PTPRD: variants seen among roughly 807,000 people sequenced by gnomAD.
PTPRD encodes receptor-type tyrosine-protein phosphatase delta.
In PTPRD, 34 loss-of-function variants were observed where a neutral mutation model predicts 214.5. The observed-to-expected ratio is 0.16, with a 90% CI of 0.12 to 0.21. The LOEUF is 0.21. Ranked by LOEUF, PTPRD falls within the 10% of genes least tolerant of loss-of-function variation. The pLI, the probability that PTPRD is intolerant of heterozygous loss-of-function variation, is 1.00. For missense variants in PTPRD, 2,545 were observed against 2,398.7 expected (o/e 1.06, Z -1.27); for synonymous variants, 1,128 against 845.7 (o/e 1.33, Z -5.79).
chr9:9,850,456 A>C (rs2060337285), intron 5 of PTPRD, among the ~76,000 whole-genome samples: 1 of 152,172 alleles, frequency 6.6e-6, no homozygotes, highest in Admixed American at 6.6e-5. Context: ...AGCTTAAGCA[A>C]CATTTTCTGG....
At chr9:8,905,932 T>C (rs2098704849) in intron 11 of PTPRD, among the ~76,000 whole-genome samples, 1 of 152,138 alleles carries the variant, frequency 6.6e-6, no homozygotes, top group Non-Finnish European at 1.5e-5. Context: ...AAAATAAATA[T>C]CACCATAGAC....
At chr9:9,997,783 C>G (rs1255801712) in intron 4 of PTPRD, among the ~76,000 whole-genome samples, 1 of 152,012 alleles carries the variant, frequency 6.6e-6, no homozygotes, top group East Asian at 1.9e-4. Flanking sequence ...AGTAGGTGCA[C>G]CCAACATGGC....
chr9:10,394,337 G>C (rs942155), intron 2 of PTPRD, among the ~76,000 whole-genome samples: 3,176 of 150,710 alleles, frequency 0.021, 108 homozygotes, highest in African/African-American at 0.073. Context: ...TAGTAACTTA[G>C]ATATAATTTA....
chr9:8,985,145 T>A (rs540874048), intron 11 of PTPRD, among the ~76,000 whole-genome samples: 1 of 152,216 alleles, frequency 6.6e-6, no homozygotes, highest in South Asian at 2.1e-4. Flanking sequence ...ATATTTACTT[T>A]AAAAATTTAG....
At position 8,500,762 on chromosome 9, in the gene PTPRD, T is replaced by C. The variant is rs752451819; in HGVS notation, c.2120A>G (p.Asn707Ser). 7 of 1,613,840 alleles carry C rather than the reference T, an allele frequency of 4.3e-6. No individual in the cohort carries two copies. In the Admixed American group the frequency reaches 5.0e-5, roughly 12 times the overall value. ...PESLSVLIRT[N>S]EDVPSGPPRK... ...TAGCGGAGGCAACATACCATCTTCATTGGTTCGAATCAACACGGACAAGCT... is the reference window on the plus strand; with the variant it reads ...TAGCGGAGGCAACATACCATCTTCACTGGTTCGAATCAACACGGACAAGCT... Residue 707 changes from asparagine to serine, a missense_variant, in exon 24 of 46, where the codon AAT (asparagine) becomes AGT (serine). Transcript: ENST00000381196.
intron 3 of PTPRD, among the ~76,000 whole-genome samples, chr9:10,204,037 A>C (rs1461800596): frequency 4.6e-5 from 7 of 152,160 alleles, no homozygotes. Flanking sequence ...AAAAGAAAAT[A>C]GCTTCTAATT....
At chr9:9,249,114 G>T (rs2099974329) in intron 9 of PTPRD, among the ~76,000 whole-genome samples, 1 of 152,020 alleles carries the variant, frequency 6.6e-6, no homozygotes, top group Non-Finnish European at 1.5e-5. Context: ...ATGGCTTGGT[G>T]CCCTCCTATG....
intron 9 of PTPRD, among the ~76,000 whole-genome samples, chr9:9,351,145 T>G (rs2050949672): frequency 6.6e-6 from 1 of 152,074 alleles, no homozygotes; most frequent in Admixed American, 6.6e-5. Flanking sequence ...CCACCGAGCT[T>G]TTCTTAGAAG....
At chr9:9,452,789 C>T (rs1389043422) in intron 8 of PTPRD, among the ~76,000 whole-genome samples, 4 of 151,196 alleles carry the variant, frequency 2.6e-5, no homozygotes, top group Non-Finnish European at 3.0e-5. Context: ...TAATAATTTG[C>T]TTAATATTTA....
intron 7 of PTPRD, among the ~76,000 whole-genome samples, chr9:9,666,959 T>C (rs1041067366): frequency 4.6e-5 from 7 of 152,078 alleles, no homozygotes; most frequent in African/African-American, 1.7e-4. Context: ...TGAGTGTTTT[T>C]TGTAACATTA....
chr9:9,386,251 T>G (rs2063831381), intron 9 of PTPRD, among the ~76,000 whole-genome samples: 3 of 152,148 alleles, frequency 2.0e-5, no homozygotes, highest in Non-Finnish European at 4.4e-5. Context: ...CTGGCAGGCA[T>G]GAGTCTACAG....
chr9:8,763,062 A>G (rs955983919), intron 11 of PTPRD, among the ~76,000 whole-genome samples: 3 of 152,180 alleles, frequency 2.0e-5, no homozygotes, highest in Non-Finnish European at 2.9e-5. Context: ...ATATAAACCC[A>G]GATTCCAGCA....
chr9:10,206,327 A>G (rs573307632), intron 3 of PTPRD, among the ~76,000 whole-genome samples: 8 of 152,286 alleles, frequency 5.3e-5, no homozygotes, highest in African/African-American at 1.4e-4. Context: ...ATCTCATACC[A>G]AAGAATCTCT....
chr9:8,800,541 C>A (rs2154517400), intron 11 of PTPRD, among the ~76,000 whole-genome samples: 1 of 152,282 alleles, frequency 6.6e-6, no homozygotes, highest in East Asian at 1.9e-4. Flanking sequence ...GCTACACTCC[C>A]ACCAACACTA....
intron 14 of PTPRD, among the ~76,000 whole-genome samples, chr9:8,607,874 G>A (rs572740547): frequency 6.6e-6 from 1 of 152,192 alleles, no homozygotes; most frequent in Admixed American, 6.5e-5. Context: ...AAGTTTAAGG[G>A]ATGTTTTTAC....
intron 14 of PTPRD, among the ~76,000 whole-genome samples, chr9:8,555,881 A>G (rs2083585335): frequency 6.6e-6 from 1 of 152,192 alleles, no homozygotes; most frequent in Admixed American, 6.5e-5. Context: ...GTCAAGGTCC[A>G]TCTTGGACTT....
chr9:8,503,597 G>A (rs1483360534), intron 23 of PTPRD, among the ~76,000 whole-genome samples: 1 of 152,146 alleles, frequency 6.6e-6, no homozygotes, highest in Non-Finnish European at 1.5e-5. Context: ...GATAAACACA[G>A]CTATGCTTAA....
At chr9:8,716,629 C>T (rs2098439435) in intron 12 of PTPRD, among the ~76,000 whole-genome samples, 1 of 127,454 alleles carries the variant, frequency 7.8e-6, no homozygotes, top group East Asian at 1.9e-4. Context: ...TATTGTAAAA[C>T]CTAGGGGATG....
chr9:10,390,357 G>A (rs969476103), intron 2 of PTPRD, among the ~76,000 whole-genome samples: 4 of 151,736 alleles, frequency 2.6e-5, no homozygotes, highest in African/African-American at 7.3e-5. Context: ...GTGAGGCTCA[G>A]CTTGGCTGCC....
Sources: gnomAD v4.1 joint callset for allele counts (sites outside exome capture counted in the v4.1 genomes callset) on GRCh38, gnomAD v4.1.1 for gene constraint, MANE v1.5 for transcripts, NCBI Gene and HGNC (gene_info 2026-07-23, HGNC 2026-07-21) for gene names.